The following ITPRIPL2 variants were observed in gnomAD, a reference collection of about 807,000 sequenced individuals.
ITPRIPL2 encodes the protein ITPRIP like 2.
A neutral mutation model predicts 31.7 loss-of-function variants in ITPRIPL2; 29 were observed. That is an observed-to-expected ratio of 0.91 (90% CI 0.68 to 1.25). The LOEUF is 1.25. ITPRIPL2 is among the 50% of genes most tolerant of loss of function. The pLI is 0.00. For missense variants in ITPRIPL2, 696 were observed against 739.1 expected, an observed-to-expected ratio of 0.94 and a Z score of 0.68; for synonymous variants, 344 against 343.4, an observed-to-expected ratio of 1.00 and a Z score of -0.02.
rs1222966334 is a variant in ITPRIPL2 at position 19,119,367 on chromosome 16, A to G, written c.*3298A>G. 4.0e-5 allele frequency: 10 copies of G among 252,048 alleles called. No homozygotes were observed. In the Admixed American group the frequency reaches 5.6e-4, roughly 14 times the overall value. The allele number at this position is 252,048 out of a possible 1,614,324, so 15.6% of individuals were successfully genotyped here. A position where few individuals can be genotyped will look rare whatever the true frequency, so the allele number is the denominator to read the frequency against. ...TCCAACCAGGGGTCGCAAACTCAGCAGCCTGTAGAAACAGGGGTGGGAGGT... is the reference window on the plus strand; with the variant it reads ...TCCAACCAGGGGTCGCAAACTCAGCGGCCTGTAGAAACAGGGGTGGGAGGT... On this transcript the variant is annotated 3_prime_UTR_variant, in exon 1 of 1. Transcript: ENST00000381440.
At position 19,115,050 on chromosome 16, in the gene ITPRIPL2, C is replaced by A. The variant is rs1963418188; in HGVS notation, c.589C>A (p.Pro197Thr). Residue 197 changes from proline (P) to threonine (T), a missense_variant, in exon 1 of 1, where the codon CCA becomes ACA. Pro to Thr is a conservative substitution (Grantham distance 38). Coordinates refer to ENST00000381440, the MANE Select transcript of ITPRIPL2 (RefSeq NM_001034841.4). ...GGAGCCACGGAGCCTGGGCGAGGAGCCAGCGCTGGCCCCGGCCTTCCGCGG... is the reference window on the plus strand; with the variant it reads ...GGAGCCACGGAGCCTGGGCGAGGAGACAGCGCTGGCCCCGGCCTTCCGCGG... Reference protein sequence around the residue: ...ALEPRSLGEEPALAPAFRGCF... With the variant: ...ALEPRSLGEETALAPAFRGCF... The A allele has an allele frequency of 1.9e-6, 3 of 1,597,722 alleles. No homozygotes were observed. Among genetic ancestry groups the A allele is most frequent in the Non-Finnish European group, 2.5e-6 (3 of 1,178,924 alleles).
At position 19,115,364 on chromosome 16, in the gene ITPRIPL2, C is replaced by T; in HGVS notation, c.903C>T (p.Cys301=). The T allele has an allele frequency of 1.2e-6, 2 of 1,613,302 alleles. No homozygotes were observed. The highest frequency in any genetic ancestry group is 1.1e-5 in the South Asian group (1 of 91,090). ...CCTGCCGCACTGACTACGGCTGCTG[C>T]CGCCTTTCTATGGCTGTGCGTCTCA... is the stretch of plus-strand genomic sequence containing the variant. ...ILPCRTDYGC[C]RLSMAVRLIP... is the part of the protein sequence containing the mutation. Residue 301 remains cysteine, a synonymous_variant, in exon 1 of 1, where the codon TGC becomes TGT. Transcript: ENST00000381440.
chr16:19,114,655 G>A lies in ITPRIPL2; in HGVS notation c.194G>A (p.Arg65His), dbSNP rs1406292642. The change falls in exon 1 of 1, where the codon CGC becomes CAC. Residue 65 changes from arginine to histidine, a missense_variant. Coordinates refer to ENST00000381440, the MANE Select transcript of ITPRIPL2 (RefSeq NM_001034841.4). ...CTCCTCCTCAGCTATGTCCTCCTGCGCTGTCGCCACGCTGTCCGGCAGCGC... is the reference window on the plus strand; with the variant it reads ...CTCCTCCTCAGCTATGTCCTCCTGCACTGTCGCCACGCTGTCCGGCAGCGC... ...VLLLLSYVLL[R>H]CRHAVRQRFL... 2.5e-6 allele frequency: 4 copies of A among 1,608,678 alleles called. No individual in the cohort carries two copies. Among genetic ancestry groups the A allele is most frequent in the Non-Finnish European group, 3.4e-6 (4 of 1,178,136 alleles).
Position 19,115,697 on chromosome 16 carries a change from G to T in ITPRIPL2, c.1236G>T (p.Leu412=), listed in dbSNP as rs1367598493. The change falls in exon 1 of 1, where the codon CTG becomes CTT. Residue 412 remains leucine (L), a synonymous_variant. Coordinates refer to ENST00000381440, the MANE Select transcript of ITPRIPL2 (RefSeq NM_001034841.4). ...CATATGTGCTCAAGACAGTGCTGCT[G>T]GCAGTGCTGCTGCGCAAGGGGGCCC... is the stretch of plus-strand genomic sequence containing the variant. The part of the protein sequence containing the change: ...LSSYVLKTVL[L]AVLLRKGAPG... 1 of 1,612,832 alleles carries T rather than the reference G, an allele frequency of 6.2e-7. No homozygotes were observed. Among genetic ancestry groups the T allele is most frequent in the Non-Finnish European group, 8.5e-7 (1 of 1,179,920 alleles).
rs948472193 is a variant in ITPRIPL2, at chr16:19,116,914, T to C, written c.*845T>C. 1 of 167,132 alleles carries C rather than the reference T, an allele frequency of 6.0e-6. No homozygotes were observed. Among genetic ancestry groups the C allele is most frequent in the Non-Finnish European group, 1.5e-5 (1 of 68,126 alleles). 10.4% of individuals were successfully genotyped at this position (167,132 alleles called of 1,614,324 possible). ...ACAAGCTGGGATATGTACCTGTCCG[T>C]CAACATCCATTCATTAAACTACCTA... is the stretch of plus-strand genomic sequence containing the variant. On this transcript the variant is annotated 3_prime_UTR_variant, in exon 1 of 1. Coordinates refer to ENST00000381440, the MANE Select transcript of ITPRIPL2 (RefSeq NM_001034841.4).
Position 19,114,936 on chromosome 16 carries a change from G to A in ITPRIPL2, c.475G>A (p.Val159Met), listed in dbSNP as rs760503138. ...GGCCTTCCGCGGAGACTTCATCCAG[G>A]TGGGCAGCGCCTACGAGCAACATAA... Reference protein sequence around the residue: ...ALAFRGDFIQVGSAYEQHKIR... With the variant: ...ALAFRGDFIQMGSAYEQHKIR... Residue 159 changes from valine to methionine, a missense_variant, in exon 1 of 1, where the codon GTG becomes ATG. By Grantham distance (21) the Val-to-Met change is conservative (BLOSUM62 1). Coordinates refer to ENST00000381440, the MANE Select transcript of ITPRIPL2 (RefSeq NM_001034841.4). 3.7e-6 allele frequency: 6 copies of A among 1,608,808 alleles called. No homozygotes were observed. The South Asian group carries it at 6.6e-5, about 18-fold the overall frequency.
At position 19,120,392 on chromosome 16, in the gene ITPRIPL2, G is replaced by A. The variant is rs1410554436; in HGVS notation, c.*4323G>A. On this transcript the variant is annotated 3_prime_UTR_variant, in exon 1 of 1. Coordinates refer to ENST00000381440, the MANE Select transcript of ITPRIPL2 (RefSeq NM_001034841.4). ...CCACCACACCTGGCCTAAAAGCGTC[G>A]TTCTGATCAGACTTCACCCCTGAAT... 6.4e-6 allele frequency: 1 copy of A among 157,164 alleles called. No individual in the cohort carries two copies. Among genetic ancestry groups the A allele is most frequent in the Non-Finnish European group, 1.5e-5 (1 of 67,320 alleles). The allele number at this position is 157,164 out of a possible 1,614,324, so 9.7% of individuals were successfully genotyped here.
rs1963402565 is a variant in ITPRIPL2 at position 19,114,421 on chromosome 16, C to A, written c.-41C>A. The A allele has an allele frequency of 7.6e-7, 1 of 1,312,566 alleles. No homozygotes were observed. Among genetic ancestry groups the A allele is most frequent in the Non-Finnish European group, 9.7e-7 (1 of 1,030,586 alleles). 81.3% of individuals were successfully genotyped at this position (1,312,566 alleles called of 1,614,324 possible). On this transcript the variant is annotated 5_prime_UTR_variant, in exon 1 of 1. Coordinates refer to ENST00000381440, the MANE Select transcript of ITPRIPL2 (RefSeq NM_001034841.4). ...GGGCTTGGGTCGCCGCCGGGGCTTG[C>A]CCCCTGGGCTGCTCGGCCACCGCCG...
rs1467337271 is a variant in ITPRIPL2 at position 19,116,587 on chromosome 16, A to C, written c.*518A>C. 2 of 167,890 alleles carry C rather than the reference A, an allele frequency of 1.2e-5. No homozygotes were observed. The highest frequency in any genetic ancestry group is 1.3e-4 in the Admixed American group (2 of 15,310). The allele number at this position is 167,890 out of a possible 1,614,324, so 10.4% of individuals were successfully genotyped here. A position where few individuals can be genotyped will look rare whatever the true frequency, so the allele number is the denominator to read the frequency against. On this transcript the variant is annotated 3_prime_UTR_variant, in exon 1 of 1. Transcript: ENST00000381440. ...GAATTGAAGTTCTATTTTAGGGGCT[A>C]ATGTTTAGAGGAACATAATTTCCAC... is the stretch of plus-strand genomic sequence containing the variant.
rs1209270547 is a variant in ITPRIPL2, at chr16:19,115,578, C to T, written c.1117C>T (p.Leu373Phe). 3 of 1,604,756 alleles carry T rather than the reference C, an allele frequency of 1.9e-6. No individual in the cohort carries two copies. Among genetic ancestry groups the T allele is most frequent in the Admixed American group, 3.3e-5 (2 of 59,848 alleles). Reference protein sequence around the residue: ...QERAAPGACYLKCLQLLKALR... With the variant: ...QERAAPGACYFKCLQLLKALR... Reference sequence around the variant, plus strand: ...ACGGGCAGCTCCAGGTGCCTGCTACCTCAAGTGCCTGCAGTTGCTTAAGGC... The same window carrying T: ...ACGGGCAGCTCCAGGTGCCTGCTACTTCAAGTGCCTGCAGTTGCTTAAGGC... Residue 373 changes from leucine (L) to phenylalanine (F), a missense_variant, in exon 1 of 1, where the codon CTC becomes TTC. Physicochemically the swap from Leu to Phe is conservative, Grantham distance 22 (BLOSUM62 0). Transcript: ENST00000381440.
At position 19,114,335 on chromosome 16, in the gene ITPRIPL2, G is replaced by C. The variant is rs538819725; in HGVS notation, c.-127G>C. On this transcript the variant is annotated 5_prime_UTR_variant, in exon 1 of 1. Transcript: ENST00000381440. ...GCGGCCTCCCTCGGGCCTGCGTTCG[G>C]GAAGCCGCCGCGGAGGAGGAGACGG... 2.9e-6 allele frequency: 2 copies of C among 697,180 alleles called. No individual in the cohort carries two copies. Among genetic ancestry groups the C allele is most frequent in the African/African-American group, 3.7e-5 (2 of 53,832 alleles). 43.2% of individuals were successfully genotyped at this position (697,180 alleles called of 1,614,324 possible). A position where few individuals can be genotyped will look rare whatever the true frequency, so the allele number is the denominator to read the frequency against.
chr16:19,114,906 G>A lies in ITPRIPL2; in HGVS notation c.445G>A (p.Ala149Thr). The A allele has an allele frequency of 6.2e-7, 1 of 1,610,576 alleles. No individual in the cohort carries two copies. Among genetic ancestry groups the A allele is most frequent in the Non-Finnish European group, 8.5e-7 (1 of 1,179,496 alleles). The change falls in exon 1 of 1, where the codon GCC (alanine) becomes ACC (threonine). Residue 149 changes from alanine to threonine, a missense_variant. Coordinates refer to ENST00000381440, the MANE Select transcript of ITPRIPL2 (RefSeq NM_001034841.4). The stretch of plus-strand genomic sequence containing the variant: ...CGGTCTCATTCCTGGGGGAGCGCTG[G>A]CCTTGGCCTTCCGCGGAGACTTCAT... ...SPGLIPGGAL[A>T]LAFRGDFIQV...
rs1204036108 is a variant in ITPRIPL2 at position 19,114,768 on chromosome 16, A to G, written c.307A>G (p.Ser103Gly). ...GCCGGGCCTCAGCATCCTGCTGGAG[A>G]GTTACTACGAGCATGAGGTGCGCCT... ...REPGLSILLE[S>G]YYEHEVRLSP... The change falls in exon 1 of 1, where the codon AGT (serine) becomes GGT (glycine). Residue 103 changes from serine to glycine, a missense_variant. Transcript: ENST00000381440. 1 of 1,612,250 alleles carries G rather than the reference A, an allele frequency of 6.2e-7. No homozygotes were observed. Among genetic ancestry groups the G allele is most frequent in the Admixed American group, 1.7e-5 (1 of 59,978 alleles).
Position 19,117,868 on chromosome 16 carries a change from T to C in ITPRIPL2, c.*1799T>C, listed in dbSNP as rs2142438778. 6.0e-6 allele frequency: 1 copy of C among 167,138 alleles called. No homozygotes were observed. The highest frequency in any genetic ancestry group is 2.1e-4 in the South Asian group (1 of 4,830). The allele number at this position is 167,138 out of a possible 1,614,324, so 10.4% of individuals were successfully genotyped here. A position where few individuals can be genotyped will look rare whatever the true frequency, so the allele number is the denominator to read the frequency against. ...CTGAAAGAGAAACAGCTGCAAATGT[T>C]GTGCTGTCTCTTTGAGGTTGTCTTG... On this transcript the variant is annotated 3_prime_UTR_variant, in exon 1 of 1. Transcript: ENST00000381440.
chr16:19,115,346 C>CA lies in ITPRIPL2; in HGVS notation c.886dup (p.Thr296AsnfsTer2). On this transcript the variant is annotated frameshift_variant, in exon 1 of 1. Coordinates refer to ENST00000381440, the MANE Select transcript of ITPRIPL2 (RefSeq NM_001034841.4). LOFTEE classifies it high-confidence loss of function. ...CCACCTTACACATCTTGCCCTGCCG[C>CA]ACTGACTACGGCTGCTGCCGCCTTT... 1 of 1,613,634 alleles carries CA rather than the reference C, an allele frequency of 6.2e-7. No individual in the cohort carries two copies. Among genetic ancestry groups the CA allele is most frequent in the South Asian group, 1.1e-5 (1 of 91,082 alleles).
rs1353679930 is a variant in ITPRIPL2 at position 19,115,235 on chromosome 16, T to C, written c.774T>C (p.His258=). 1 of 1,610,842 alleles carries C rather than the reference T, an allele frequency of 6.2e-7. No homozygotes were observed. Among genetic ancestry groups the C allele is most frequent in the Non-Finnish European group, 8.5e-7 (1 of 1,180,014 alleles). The change falls in exon 1 of 1, where the codon CAT becomes CAC. Residue 258 remains histidine, a synonymous_variant. Coordinates refer to ENST00000381440, the MANE Select transcript of ITPRIPL2 (RefSeq NM_001034841.4). ...TGGTGCTGCGCTGGTTCCAGTCGCA[T>C]CTGCAGCGCTCCTTGGCCACTGTGC... ...ATLVLRWFQS[H]LQRSLATVRY...
In ITPRIPL2 at chr16:19,116,460, A is replaced by C. The variant is rs559771171; in HGVS notation, c.*391A>C. On this transcript the variant is annotated 3_prime_UTR_variant, in exon 1 of 1. Coordinates refer to ENST00000381440, the MANE Select transcript of ITPRIPL2 (RefSeq NM_001034841.4). The stretch of plus-strand genomic sequence containing the variant: ...ACAGATCTCTCTGCCCAAATTAAAA[A>C]AAAACAAAACAAAACACTAAAGTTT... The C allele has an allele frequency of 5.3e-5, 11 of 208,800 alleles. 1 individual carries two copies. In the East Asian group the frequency reaches 7.6e-4, roughly 14 times the overall value. 12.9% of individuals were successfully genotyped at this position (208,800 alleles called of 1,614,324 possible).
rs772529305 is a variant in ITPRIPL2, at chr16:19,114,869, C to T, written c.408C>T (p.Ala136=). 1 of 1,605,178 alleles carries T rather than the reference C, an allele frequency of 6.2e-7. No homozygotes were observed. The highest frequency in any genetic ancestry group is 8.5e-7 in the Non-Finnish European group (1 of 1,176,396). Residue 136 remains alanine (A), a synonymous_variant, in exon 1 of 1, where the codon GCC becomes GCT. Coordinates refer to ENST00000381440, the MANE Select transcript of ITPRIPL2 (RefSeq NM_001034841.4). ...GCGAGCTGGTGCGGGCTGGCCGCGC[C>T]CGGGGGTCCCCCGGTCTCATTCCTG... ...IVGELVRAGR[A]RGSPGLIPGG... is the part of the protein sequence containing the mutation.
chr16:19,118,392 G>A lies in ITPRIPL2; in HGVS notation c.*2323G>A, dbSNP rs1963471635. 1 of 158,540 alleles carries A rather than the reference G, an allele frequency of 6.3e-6. No individual in the cohort carries two copies. The highest frequency in any genetic ancestry group is 6.7e-5 in the Admixed American group (1 of 14,912). The allele number at this position is 158,540 out of a possible 1,614,324, so 9.8% of individuals were successfully genotyped here. ...AGGCAGGAGAATCACTTGAACCCGG[G>A]AGGTGAAGGTTGCAGAGAGCCAAGA... is the stretch of plus-strand genomic sequence containing the variant. On this transcript the variant is annotated 3_prime_UTR_variant, in exon 1 of 1. Transcript: ENST00000381440.
Sources: gnomAD v4.1 joint callset for allele counts on GRCh38, gnomAD v4.1.1 for gene constraint, MANE v1.5 for transcripts, NCBI Gene and HGNC (gene_info 2026-07-23, HGNC 2026-07-21) for gene names.